Variants in DNAJC1 observed in about 807,000 individuals in gnomAD.
DNAJC1 encodes DnaJ heat shock protein family (Hsp40) member C1.
In DNAJC1, 58 loss-of-function variants were observed where a neutral mutation model predicts 76.6. The ratio of observed to expected loss-of-function variants is 0.76; its 90% CI spans 0.61 to 0.94. DNAJC1 has a LOEUF of 0.94. DNAJC1 is among the 40% of genes least tolerant of loss of function. DNAJC1 has a pLI of 0.00. For missense variants in DNAJC1, 689 were observed against 677.3 expected (o/e 1.02, Z -0.19); for synonymous variants, 258 against 267.9 (o/e 0.96, Z 0.36).
rs1248472326 is a variant in DNAJC1 at position 21,832,724 on chromosome 10, T to C, written c.979-26625A>G. Among the ~76,000 whole-genome samples the C allele has an allele frequency of 2.0e-5, 3 of 152,242 alleles. No individual in the cohort carries two copies. The East Asian group carries it at 5.8e-4, about 29-fold the overall frequency. ...TAAGACTATTGCAAAAATCTTCTAATGGGTCCTTCTCTTCCCTTTGATCTT... is the reference window on the plus strand; with the variant it reads ...TAAGACTATTGCAAAAATCTTCTAACGGGTCCTTCTCTTCCCTTTGATCTT... On this transcript the variant is annotated intron_variant, in intron 8 of 11. Coordinates refer to ENST00000376980, the MANE Select transcript of DNAJC1 (RefSeq NM_022365.4).
intron 8 of DNAJC1, among the ~76,000 whole-genome samples, chr10:21,832,463 A>G: frequency 6.6e-6 from 1 of 152,198 alleles, no homozygotes; most frequent in South Asian, 2.1e-4. Context: ...AGCACATACC[A>G]AACTGATTAC....
intron 8 of DNAJC1, among the ~76,000 whole-genome samples, chr10:21,875,533 C>T (rs1397992327): frequency 6.6e-6 from 1 of 152,166 alleles, no homozygotes; most frequent in Non-Finnish European, 1.5e-5. Flanking sequence ...GGGAATGAAA[C>T]AAGGATACTT....
intron 10 of DNAJC1, among the ~76,000 whole-genome samples, chr10:21,765,060 G>A (rs1170569146): frequency 2.0e-5 from 3 of 152,272 alleles, no homozygotes; most frequent in South Asian, 4.1e-4. Context: ...CCTTTTCAAT[G>A]GTATGATTTT....
intron 1 of DNAJC1, among the ~76,000 whole-genome samples, chr10:21,999,936 A>C (rs1290072069): frequency 2.6e-5 from 4 of 152,166 alleles, no homozygotes; most frequent in Admixed American, 2.0e-4. Flanking sequence ...TCTACACCTG[A>C]ATAACCAATT....
At chr10:21,800,066 C>T (rs930961784) in intron 9 of DNAJC1, among the ~76,000 whole-genome samples, 2 of 152,120 alleles carry the variant, frequency 1.3e-5, no homozygotes, top group Non-Finnish European at 1.5e-5. Flanking sequence ...GAGACTCTTA[C>T]AAAGTTGTTT....
intron 8 of DNAJC1, among the ~76,000 whole-genome samples, chr10:21,813,114 T>TATAC (rs1835000601): frequency 6.9e-6 from 1 of 144,750 alleles, no homozygotes; most frequent in Non-Finnish European, 1.5e-5. Flanking sequence ...TATATATATA[T>TATAC]ATACAGCTTC....
At chr10:21,776,348 A>T (rs1254220537) in intron 9 of DNAJC1, among the ~76,000 whole-genome samples, 2 of 152,184 alleles carry the variant, frequency 1.3e-5, no homozygotes, top group Non-Finnish European at 2.9e-5. Context: ...TAAGTACTTA[A>T]TCTGGAAAAT....
intron 8 of DNAJC1, among the ~76,000 whole-genome samples, chr10:21,847,686 AT>A (rs1475540044): frequency 6.6e-6 from 1 of 152,092 alleles, no homozygotes; most frequent in East Asian, 1.9e-4. Flanking sequence ...AGAACTTACA[AT>A]AGTTATCTTC....
At chr10:21,966,913 C>A (rs1190098686) in intron 1 of DNAJC1, among the ~76,000 whole-genome samples, 1 of 151,972 alleles carries the variant, frequency 6.6e-6, no homozygotes, top group African/African-American at 2.4e-5. Flanking sequence ...TCTCGAACTC[C>A]TGACCTTAGG....
chr10:21,762,724 C>T (rs917665989), intron 10 of DNAJC1, among the ~76,000 whole-genome samples: 3 of 152,112 alleles, frequency 2.0e-5, no homozygotes, highest in Admixed American at 2.0e-4. Flanking sequence ...ATCCTCCCAC[C>T]TCAGCCTCCT....
At chr10:21,872,550 G>A (rs1356107987) in intron 8 of DNAJC1, among the ~76,000 whole-genome samples, 1 of 152,148 alleles carries the variant, frequency 6.6e-6, no homozygotes, top group Non-Finnish European at 1.5e-5. Flanking sequence ...CTCTAGAGGG[G>A]CTCAACAGCA....
chr10:21,812,388 C>T (rs1470966322), intron 8 of DNAJC1, among the ~76,000 whole-genome samples: 1 of 152,116 alleles, frequency 6.6e-6, no homozygotes, highest in Non-Finnish European at 1.5e-5. Context: ...TTCACATGTG[C>T]TTACTGGCCA....
chr10:21,962,736 T>C (rs74857500), intron 1 of DNAJC1, among the ~76,000 whole-genome samples: 3 of 150,694 alleles, frequency 2.0e-5, no homozygotes, highest in Non-Finnish European at 4.4e-5. Context: ...ACTTTTTTCG[T>C]GTGTTATGTT....
chr10:21,860,853 C>T (rs2131698145), intron 8 of DNAJC1: 1 of 152,414 alleles, frequency 6.6e-6, no homozygotes, highest in South Asian at 2.1e-4. Context: ...GCTTGATTAA[C>T]TTAACAAGTA....
In DNAJC1 at chr10:21,885,775, C is replaced by G. The variant is rs146381603; in HGVS notation, c.821-3336G>C. 3.3e-3 allele frequency among the ~76,000 whole-genome samples: 506 copies of G among 152,260 alleles called. 4 individuals carry two copies. The highest frequency in any genetic ancestry group is 0.011 in the African/African-American group (474 of 41,570). The stretch of plus-strand genomic sequence containing the variant: ...AAATAAAGGCAGAAATCAAGAAGTT[C>G]TTTGAAACTAATGAAAACAAAGATA... On this transcript the variant is annotated intron_variant, in intron 7 of 11. Coordinates refer to ENST00000376980, the MANE Select transcript of DNAJC1 (RefSeq NM_022365.4).
intron 7 of DNAJC1, among the ~76,000 whole-genome samples, chr10:21,888,592 A>G (rs1157400143): frequency 6.6e-6 from 1 of 152,234 alleles, no homozygotes; most frequent in Non-Finnish European, 1.5e-5. Flanking sequence ...AATACTATGC[A>G]GCCATAAAAA....
intron 8 of DNAJC1, among the ~76,000 whole-genome samples, chr10:21,834,177 T>C (rs982402197): frequency 4.6e-5 from 7 of 152,010 alleles, no homozygotes; most frequent in African/African-American, 7.2e-5. Flanking sequence ...GGCAGGACAA[T>C]GGCGTCAACC....
intron 9 of DNAJC1, among the ~76,000 whole-genome samples, chr10:21,772,271 CTT>C (rs398045895): frequency 1.1e-4 from 10 of 93,044 alleles, no homozygotes; most frequent in South Asian, 1.1e-3. Context: ...CACCCCTCTT[CTT>C]TTTTTTTTTT....
At chr10:21,838,775 A>G (rs1160393149) in intron 8 of DNAJC1, among the ~76,000 whole-genome samples, 2 of 152,146 alleles carry the variant, frequency 1.3e-5, no homozygotes, top group African/African-American at 4.8e-5. Context: ...AGAACTCTCC[A>G]CCCCAAATCA....
Sources: gnomAD v4.1 joint callset for allele counts (sites outside exome capture counted in the v4.1 genomes callset) on GRCh38, gnomAD v4.1.1 for gene constraint, MANE v1.5 for transcripts, NCBI Gene and HGNC (gene_info 2026-07-23, HGNC 2026-07-21) for gene names.